The following ALLC variants were observed in gnomAD, a reference collection of about 807,000 sequenced individuals.
ALLC encodes the protein allantoicase.
Under a neutral mutation model 45.0 loss-of-function variants are expected in ALLC, and 40 were observed. That is an observed-to-expected ratio of 0.89 (90% CI 0.69 to 1.16). The LOEUF is 1.16. Among genes scored for constraint, ALLC ranks in the 50% most tolerant of loss-of-function variants. The pLI is 0.00. For missense variants in ALLC, 488 were observed against 493.1 expected, an observed-to-expected ratio of 0.99 and a Z score of 0.10; for synonymous variants, 176 against 178.1, an observed-to-expected ratio of 0.99 and a Z score of 0.09.
chr2:3,658,964 G>A (rs1397503897), intron 1 of ALLC, among the ~76,000 whole-genome samples: 1 of 151,610 alleles, frequency 6.6e-6, no homozygotes, highest in Admixed American at 6.6e-5. Context: ...AGAACTAAAT[G>A]TAAATATATA....
At chr2:3,671,259 A>G in intron 2 of ALLC, 69 bp downstream of exon 2, 2 of 1,536,932 alleles carry the variant, frequency 1.3e-6, no homozygotes, top group Non-Finnish European at 8.9e-7. Flanking sequence ...TCACCAGTGC[A>G]GAGAACCTCA....
chr2:3,675,012 A>C (rs1666985391), intron 3 of ALLC, among the ~76,000 whole-genome samples: 1 of 152,152 alleles, frequency 6.6e-6, no homozygotes, highest in Non-Finnish European at 1.5e-5. Context: ...TTGTTTGGAG[A>C]GGAGATAACC....
At chr2:3,698,310 G>A (rs569827707) in intron 10 of ALLC, among the ~76,000 whole-genome samples, 2 of 152,122 alleles carry the variant, frequency 1.3e-5, no homozygotes, top group Non-Finnish European at 2.9e-5. Flanking sequence ...CATTTGGGCT[G>A]GATGACCCCC....
At chr2:3,698,479 T>C (rs978354158) in intron 10 of ALLC, among the ~76,000 whole-genome samples, 1 of 152,224 alleles carries the variant, frequency 6.6e-6, no homozygotes, top group Non-Finnish European at 1.5e-5. Flanking sequence ...TGACCATTTC[T>C]TCCCCAGGCT....
At chr2:3,667,978 TG>T (rs1392194973) in intron 1 of ALLC, among the ~76,000 whole-genome samples, 1 of 152,192 alleles carries the variant, frequency 6.6e-6, no homozygotes, top group Non-Finnish European at 1.5e-5. Context: ...TTGGTTAGGC[TG>T]GTCTTGAACT....
chr2:3,682,627 G>A (rs756214093), intron 6 of ALLC, among the ~76,000 whole-genome samples: 5 of 152,118 alleles, frequency 3.3e-5, no homozygotes, highest in African/African-American at 7.2e-5. Context: ...CCAGGTTCAC[G>A]CCATTCTCCT....
intron 1 of ALLC, among the ~76,000 whole-genome samples, chr2:3,667,879 C>T (rs964097508): frequency 6.6e-6 from 1 of 152,232 alleles, no homozygotes; most frequent in Non-Finnish European, 1.5e-5. Context: ...ATTCTCCTGC[C>T]TCAGCCTCCC....
At chr2:3,666,635 G>A (rs1666732166) in intron 1 of ALLC, among the ~76,000 whole-genome samples, 1 of 152,252 alleles carries the variant, frequency 6.6e-6, no homozygotes, top group Non-Finnish European at 1.5e-5. Flanking sequence ...AGCAAACAGG[G>A]CAGCGCGCAG....
At chr2:3,676,311 T>G (rs965451898) in intron 3 of ALLC, among the ~76,000 whole-genome samples, 1 of 152,250 alleles carries the variant, frequency 6.6e-6, no homozygotes, top group Non-Finnish European at 1.5e-5. Flanking sequence ...AGGATCTCGC[T>G]GTGATCAGGC....
At chr2:3,652,523 C>T in the ALLC span, among the ~76,000 whole-genome samples, 1 of 151,568 alleles carries the variant, frequency 6.6e-6, no homozygotes, top group Non-Finnish European at 1.5e-5. Flanking sequence ...GGAGATATCC[C>T]AAACAGCGTA....
At chr2:3,652,806 T>C in the ALLC span, among the ~76,000 whole-genome samples, 1 of 152,170 alleles carries the variant, frequency 6.6e-6, no homozygotes, top group Non-Finnish European at 1.5e-5. Flanking sequence ...GGTCTTGAAC[T>C]CCTGAGTTCA....
chr2:3,655,657 A>C (rs1457944983), upstream of ALLC, among the ~76,000 whole-genome samples: 1 of 152,134 alleles, frequency 6.6e-6, no homozygotes, highest in African/African-American at 2.4e-5. Flanking sequence ...ATGGGGTCTC[A>C]CTGTGTTGCC....
chr2:3,648,357 C>T, the ALLC span, among the ~76,000 whole-genome samples: 1 of 152,220 alleles, frequency 6.6e-6, no homozygotes. Context: ...TCTGCCCAGG[C>T]TGGGGGAGCC....
At chr2:3,663,392 G>A (rs1260444252) in intron 1 of ALLC, among the ~76,000 whole-genome samples, 1 of 152,164 alleles carries the variant, frequency 6.6e-6, no homozygotes, top group African/African-American at 2.4e-5. Context: ...AGACATGTTG[G>A]GGGGAACATC....
At chr2:3,659,118 G>C (rs898851854) in intron 1 of ALLC, among the ~76,000 whole-genome samples, 5 of 152,054 alleles carry the variant, frequency 3.3e-5, no homozygotes, top group African/African-American at 4.8e-5. Context: ...TTGGCCAAAG[G>C]CTTCTTCGGA....
At chr2:3,696,070 TGG>T (rs1272286051) in intron 8 of ALLC, among the ~76,000 whole-genome samples, 198 bp downstream of exon 8, 2 of 152,366 alleles carry the variant, frequency 1.3e-5, no homozygotes, top group East Asian at 3.9e-4. Context: ...TACCTAATTT[TGG>T]CCTAAGTAGC....
intron 1 of ALLC, 136 bp downstream of exon 1, chr2:3,658,430 C>T (rs1292884986): frequency 1.3e-5 from 2 of 152,230 alleles, no homozygotes; most frequent in Non-Finnish European, 2.9e-5. Context: ...TAGATGGTGA[C>T]AGACACCACT....
intron 10 of ALLC, 48 bp downstream of exon 10, chr2:3,697,504 C>A: frequency 6.8e-7 from 1 of 1,477,812 alleles, no homozygotes; most frequent in Middle Eastern, 1.7e-4. Flanking sequence ...TTTGTTTATT[C>A]TAAAGACTGA....
intron 7 of ALLC, among the ~76,000 whole-genome samples, chr2:3,684,214 A>G (rs1313736731): frequency 6.6e-6 from 1 of 152,086 alleles, no homozygotes; most frequent in Admixed American, 6.5e-5. Flanking sequence ...ACAGCCACGT[A>G]AAGGAGTGCT....
Sources: allele counts gnomAD v4.1 joint callset (sites outside exome capture counted in the v4.1 genomes callset), GRCh38; gene constraint gnomAD v4.1.1; transcripts MANE v1.5; gene names NCBI Gene and HGNC (gene_info 2026-07-23, HGNC 2026-07-21).